Variants in ADGRB3 observed in about 807,000 individuals in gnomAD.
ADGRB3 encodes adhesion G protein-coupled receptor B3, also known as brain-specific angiogenesis inhibitor 3.
Under a neutral mutation model 193.4 loss-of-function variants are expected in ADGRB3, and 37 were observed. The ratio of observed to expected loss-of-function variants is 0.19; its 90% CI spans 0.15 to 0.25. The LOEUF (loss-of-function observed/expected upper bound fraction) is 0.25. Among genes scored for constraint, ADGRB3 ranks in the 10% least tolerant of loss-of-function variants. The pLI, the probability that ADGRB3 is intolerant of heterozygous loss-of-function variation, is 1.00. For synonymous variants in ADGRB3, 690 were observed against 644.2 expected, an observed-to-expected ratio of 1.07 and a Z score of -1.08; for missense variants, 1,637 against 1,852.9, an observed-to-expected ratio of 0.88 and a Z score of 2.14.
chr6:68,698,498 T>C (rs891578379), intron 3 of ADGRB3, among the ~76,000 whole-genome samples: 2 of 152,042 alleles, frequency 1.3e-5, no homozygotes, highest in African/African-American at 4.8e-5. Flanking sequence ...ATTTTTTCAG[T>C]TTATTTTATT....
intron 3 of ADGRB3, among the ~76,000 whole-genome samples, chr6:68,908,627 C>A (rs1435720531): frequency 3.3e-5 from 5 of 152,088 alleles, no homozygotes; most frequent in Non-Finnish European, 2.9e-5. Flanking sequence ...TAACTATAGG[C>A]TGAATATTTC....
chr6:69,222,370 C>T (rs943343940), intron 17 of ADGRB3, among the ~76,000 whole-genome samples: 16 of 152,078 alleles, frequency 1.1e-4, no homozygotes, highest in African/African-American at 3.1e-4. Flanking sequence ...TTTATCAACA[C>T]GATATTCCTA....
chr6:69,303,698 CTA>C (rs769417069), intron 20 of ADGRB3, among the ~76,000 whole-genome samples: 2 of 151,912 alleles, frequency 1.3e-5, no homozygotes, highest in Admixed American at 6.6e-5. Context: ...CATTTTTACT[CTA>C]TGTCTTCTCT....
At chr6:68,955,644 T>C (rs1768051033) in intron 6 of ADGRB3, among the ~76,000 whole-genome samples, 1 of 151,936 alleles carries the variant, frequency 6.6e-6, no homozygotes, top group South Asian at 2.1e-4. Context: ...ACAAAAATTA[T>C]TTTGGGGTGT....
At chr6:69,009,621 A>G (rs1288068329) in intron 11 of ADGRB3, among the ~76,000 whole-genome samples, 2 of 152,148 alleles carry the variant, frequency 1.3e-5, no homozygotes, top group South Asian at 2.1e-4. Context: ...TCAATGATCT[A>G]TCCTATGTTA....
chr6:68,641,902 A>G (rs1768090688), intron 3 of ADGRB3, among the ~76,000 whole-genome samples: 2 of 152,188 alleles, frequency 1.3e-5, no homozygotes, highest in East Asian at 1.9e-4. Flanking sequence ...ACCATTTTAA[A>G]TAAACTACCA....
intron 20 of ADGRB3, among the ~76,000 whole-genome samples, chr6:69,243,120 A>T (rs1766418683): frequency 6.6e-6 from 1 of 151,520 alleles, no homozygotes; most frequent in Non-Finnish European, 1.5e-5. Flanking sequence ...ATCTGGCAAA[A>T]CTCTTGGTTT....
At chr6:68,722,170 A>G (rs549940899) in intron 3 of ADGRB3, among the ~76,000 whole-genome samples, 5 of 151,782 alleles carry the variant, frequency 3.3e-5, no homozygotes, top group African/African-American at 1.2e-4. Context: ...CAAAGTAAAT[A>G]TTTTTAAAAA....
intron 3 of ADGRB3, among the ~76,000 whole-genome samples, chr6:68,826,751 G>A (rs1022181347): frequency 4.6e-5 from 7 of 152,112 alleles, no homozygotes; most frequent in African/African-American, 2.4e-5. Flanking sequence ...TCAGATTCTG[G>A]AAGTATTTTT....
At position 69,235,050 on chromosome 6, in the gene ADGRB3, A is replaced by G; in HGVS notation, c.2626A>G (p.Thr876Ala). Reference protein sequence around the residue: ...PREIIMESSGTPSVTLIVGSG... With the variant: ...PREIIMESSGAPSVTLIVGSG... ...TTCACAGATCATGGAATCCTCTGGC[A>G]CACCTTCAGTTACCCTAATAGTAGG... Residue 876 changes from threonine (T) to alanine (A), a missense_variant, in exon 19 of 32, where the codon ACA (threonine) becomes GCA (alanine). Physicochemically the swap from Thr to Ala is moderately conservative, Grantham distance 58. Coordinates refer to ENST00000370598, the MANE Select transcript of ADGRB3 (RefSeq NM_001704.3). The G allele has an allele frequency of 6.2e-7, 1 of 1,612,410 alleles. No homozygotes were observed. The highest frequency in any genetic ancestry group is 8.5e-7 in the Non-Finnish European group (1 of 1,178,740).
chr6:69,107,034 G>T (rs1773234384), intron 17 of ADGRB3, among the ~76,000 whole-genome samples: 1 of 151,988 alleles, frequency 6.6e-6, no homozygotes, highest in East Asian at 1.9e-4. Context: ...CTAGATTGAG[G>T]ATCTTCATGC....
At chr6:69,299,513 G>A (rs577824432) in intron 20 of ADGRB3, among the ~76,000 whole-genome samples, 20 of 151,704 alleles carry the variant, frequency 1.3e-4, no homozygotes, top group African/African-American at 3.4e-4. Flanking sequence ...CTATAGTTTC[G>A]GGTATTACAT....
chr6:68,818,405 T>C (rs1235141039), intron 3 of ADGRB3, among the ~76,000 whole-genome samples: 1 of 152,052 alleles, frequency 6.6e-6, no homozygotes, highest in Non-Finnish European at 1.5e-5. Flanking sequence ...CAAGATCTGC[T>C]TTCCTTCCTT....
chr6:69,112,448 A>G (rs1773393548), intron 17 of ADGRB3, among the ~76,000 whole-genome samples: 1 of 152,192 alleles, frequency 6.6e-6, no homozygotes, highest in African/African-American at 2.4e-5. Context: ...GTCTCTGGCT[A>G]AAACTCTTTA....
At chr6:68,941,988 A>T (rs1041691716) in intron 5 of ADGRB3, among the ~76,000 whole-genome samples, 1 of 151,370 alleles carries the variant, frequency 6.6e-6, no homozygotes, top group Non-Finnish European at 1.5e-5. Flanking sequence ...ATGGGAAAAA[A>T]GTAAAACATC....
intron 17 of ADGRB3, chr6:69,232,610 G>T: frequency 6.5e-7 from 1 of 1,535,664 alleles, no homozygotes; most frequent in Non-Finnish European, 8.7e-7. Flanking sequence ...ACTGAGTGAA[G>T]TGTGGAGTAG....
At chr6:69,084,023 C>T (rs992154288) in intron 17 of ADGRB3, among the ~76,000 whole-genome samples, 2 of 152,210 alleles carry the variant, frequency 1.3e-5, no homozygotes, top group Admixed American at 1.3e-4. Context: ...GATTCACCCA[C>T]CTCGGCCTCC....
chr6:69,108,401 TC>T (rs375283957), intron 17 of ADGRB3, among the ~76,000 whole-genome samples: 9,134 of 114,526 alleles, frequency 0.08, 330 homozygotes, highest in South Asian at 0.14. Flanking sequence ...TTTTTTTTTT[TC>T]CAAATCTCAT....
intron 4 of ADGRB3, among the ~76,000 whole-genome samples, chr6:68,934,792 T>C (rs1767439247): frequency 6.6e-6 from 1 of 152,206 alleles, no homozygotes; most frequent in Admixed American, 6.5e-5. Context: ...GATAGAGTAT[T>C]CTTTAATGTA....
Sources: allele counts gnomAD v4.1 joint callset (sites outside exome capture counted in the v4.1 genomes callset), GRCh38; gene constraint gnomAD v4.1.1; transcripts MANE v1.5; gene names NCBI Gene and HGNC (gene_info 2026-07-23, HGNC 2026-07-21).